Variants in CSNK1G2 observed in about 807,000 individuals in gnomAD.
CSNK1G2 encodes the protein casein kinase 1 gamma 2.
CSNK1G2 carries 11 observed loss-of-function variants against 48.0 expected under a neutral mutation model. That is an observed-to-expected ratio of 0.23 (90% CI 0.14 to 0.38). CSNK1G2 has a LOEUF of 0.38. Among genes scored for constraint, CSNK1G2 ranks in the 10% least tolerant of loss-of-function variants. The probability of loss-of-function intolerance (pLI) is 1.00; values close to 1 mark genes in which losing one functional copy is unlikely to be tolerated. For synonymous variants in CSNK1G2, 337 were observed against 254.1 expected (o/e 1.33, Z -3.10); for missense variants, 446 against 595.5 (o/e 0.75, Z 2.61).
chr19:1,950,168 C>T (rs528286938), intron 1 of CSNK1G2, among the ~76,000 whole-genome samples: 26 of 152,128 alleles, frequency 1.7e-4, no homozygotes, highest in African/African-American at 6.3e-4. Context: ...GAGACGGAGT[C>T]TCGCTCTGTC....
chr19:1,969,222 G>C (rs963219939), intron 1 of CSNK1G2, among the ~76,000 whole-genome samples: 1 of 147,906 alleles, frequency 6.8e-6, no homozygotes, highest in African/African-American at 2.6e-5. Context: ...TCTCCCACCT[G>C]TGCCACCCAC....
At position 1,979,679 on chromosome 19, in the gene CSNK1G2, A is replaced by AC. The variant is rs541986661; in HGVS notation, c.1002+38dup. The AC allele has an allele frequency of 3.7e-4, 588 of 1,600,744 alleles. 4 individuals are homozygous for AC. The East Asian group carries it at 0.01, about 28-fold the overall frequency. On this transcript the variant is annotated intron_variant, in intron 9 of 11. Transcript: ENST00000255641. ...GGGTGCCGGTATGTGGGAGCGGGGG[A>AC]CCGGGAAACTGCCCTGAGGGAGATG...
At position 1,979,311 on chromosome 19, in the gene CSNK1G2, C is replaced by T; in HGVS notation, c.769-8C>T. The T allele has an allele frequency of 3.8e-6, 6 of 1,595,944 alleles. No individual in the cohort carries two copies. The highest frequency in any genetic ancestry group is 5.1e-6 in the Non-Finnish European group (6 of 1,172,736). ...GGCGGGAGCAAGGCTGACCACAGAC[C>T]CCCGCAGGCCGACACGCTCAAGGAG... On this transcript the variant is annotated splice_polypyrimidine_tract_variant and splice_region_variant and intron_variant, in intron 7 of 11. Coordinates refer to ENST00000255641, the MANE Select transcript of CSNK1G2 (RefSeq NM_001319.7).
chr19:1,947,907 C>G (rs567037712), intron 1 of CSNK1G2, among the ~76,000 whole-genome samples: 1 of 152,216 alleles, frequency 6.6e-6, no homozygotes, highest in African/African-American at 2.4e-5. Context: ...TGGACCTCGC[C>G]CGCGGCCCTG....
At chr19:1,964,877 G>A (rs987265767) in intron 1 of CSNK1G2, among the ~76,000 whole-genome samples, 4 of 151,236 alleles carry the variant, frequency 2.6e-5, no homozygotes, top group Admixed American at 2.0e-4. Context: ...AGGAGCCCAC[G>A]ACCATGCCCA....
Position 1,979,553 on chromosome 19 carries a change from C to CT in CSNK1G2, c.913dup (p.Tyr305LeufsTer2), listed in dbSNP as rs2015900325. Reference sequence around the variant, plus strand: ...GCCTGGACTTCTTCGAGAAGCCCGACTATGACTACCTGCGGAAGCTCTTCA... The same window carrying CT: ...GCCTGGACTTCTTCGAGAAGCCCGACTTATGACTACCTGCGGAAGCTCTTCA... On this transcript the variant is annotated frameshift_variant, in exon 9 of 12. Coordinates refer to ENST00000255641, the MANE Select transcript of CSNK1G2 (RefSeq NM_001319.7). LOFTEE classifies it high-confidence loss of function. The CT allele has an allele frequency of 1.2e-6, 2 of 1,609,136 alleles. No individual in the cohort carries two copies. Among genetic ancestry groups the CT allele is most frequent in the Non-Finnish European group, 1.7e-6 (2 of 1,179,836 alleles).
intron 1 of CSNK1G2, among the ~76,000 whole-genome samples, chr19:1,951,902 G>C (rs1349729945): frequency 6.6e-6 from 1 of 152,084 alleles, no homozygotes; most frequent in Admixed American, 6.6e-5. Context: ...AGATGGTCTC[G>C]ATCTCCTGAC....
At chr19:1,955,961 A>AGCGGG (rs1225064765) in intron 1 of CSNK1G2, among the ~76,000 whole-genome samples, 80 of 152,220 alleles carry the variant, frequency 5.3e-4, no homozygotes, top group Non-Finnish European at 1.1e-3. Context: ...AACAGACGCC[A>AGCGGG]GCGGGGCAGC....
chr19:1,975,917 T>G (rs1455396629), intron 2 of CSNK1G2: 4 of 566,814 alleles, frequency 7.1e-6, no homozygotes, highest in Non-Finnish European at 8.9e-6. Flanking sequence ...TGCCTGTAAT[T>G]CCAGCTACTC....
At chr19:1,965,245 T>C (rs1208680222) in intron 1 of CSNK1G2, among the ~76,000 whole-genome samples, 1 of 149,144 alleles carries the variant, frequency 6.7e-6, no homozygotes, top group South Asian at 2.2e-4. Context: ...TAACCGGCCG[T>C]GGTGGCGGGC....
In CSNK1G2 at chr19:1,978,810, C is replaced by T. The variant is rs747904813; in HGVS notation, c.448-49C>T. The T allele has an allele frequency of 2.5e-6, 4 of 1,582,150 alleles. No individual in the cohort carries two copies. Among genetic ancestry groups the T allele is most frequent in the Non-Finnish European group, 3.4e-6 (4 of 1,167,266 alleles). On this transcript the variant is annotated intron_variant, in intron 5 of 11. Coordinates refer to ENST00000255641, the MANE Select transcript of CSNK1G2 (RefSeq NM_001319.7). The surrounding 1 kb of genome is among the most constrained non-coding windows in gnomAD (Gnocchi z 7.3). ...GGAAGAGGGTGGCCCTGGAGGGGAG[C>T]GCGTGGGACGGGGAGGGGCCCGGCC...
intron 1 of CSNK1G2, among the ~76,000 whole-genome samples, chr19:1,952,185 C>T (rs2014787476): frequency 6.6e-6 from 1 of 152,214 alleles, no homozygotes; most frequent in Non-Finnish European, 1.5e-5. Context: ...ACACCTTGGC[C>T]CCTCAGTGGG....
intron 1 of CSNK1G2, among the ~76,000 whole-genome samples, chr19:1,942,970 C>G (rs985510412): frequency 1.3e-5 from 2 of 152,128 alleles, no homozygotes; most frequent in Admixed American, 1.3e-4. Context: ...TCTCTAGGGC[C>G]GAGAGTGTTT....
intron 1 of CSNK1G2, among the ~76,000 whole-genome samples, chr19:1,958,260 A>G (rs1425224102): frequency 6.6e-6 from 1 of 151,566 alleles, no homozygotes. Context: ...TGGTTCCCAG[A>G]GGCCGCTGGG....
Position 1,978,725 on chromosome 19 carries a change from C to A in CSNK1G2, c.422C>A (p.Thr141Lys). The A allele has an allele frequency of 7.5e-7, 1 of 1,330,758 alleles. No individual in the cohort carries two copies. Among genetic ancestry groups the A allele is most frequent in the Non-Finnish European group, 1.0e-6 (1 of 993,734 alleles). 82.4% of individuals were successfully genotyped at this position (1,330,758 alleles called of 1,614,324 possible). Residue 141 changes from threonine (T) to lysine (K), a missense_variant, in exon 5 of 12, where the codon ACG (threonine) becomes AAG (lysine). Around this residue, in one of 2 missense-constraint regions of CSNK1G2, gnomAD observed 258 missense variants for 415.9 expected, o/e 0.62. Transcript: ENST00000255641. The surrounding 1 kb of genome is among the most constrained non-coding windows in gnomAD (Gnocchi z 7.3). ...TGCGACCGGACCTTCACGCTCAAGA[C>A]GGTGCTGATGATCGCCATCCAGCTG... ...DLCDRTFTLK[T>K]VLMIAIQLIT...
chr19:1,959,911 G>T (rs2015142420), intron 1 of CSNK1G2, among the ~76,000 whole-genome samples: 1 of 151,992 alleles, frequency 6.6e-6, no homozygotes, highest in Non-Finnish European at 1.5e-5. Context: ...GCCACCCTGG[G>T]TCCCCACATC....
intron 1 of CSNK1G2, among the ~76,000 whole-genome samples, chr19:1,951,007 C>T (rs1176393158): frequency 6.9e-6 from 1 of 145,922 alleles, no homozygotes. Context: ...GCTGGCCAGG[C>T]GGGTGGTCTG....
At chr19:1,977,239 C>T (rs1049587888) in intron 2 of CSNK1G2, among the ~76,000 whole-genome samples, 22 of 152,224 alleles carry the variant, frequency 1.4e-4, no homozygotes, top group Admixed American at 2.0e-4. Context: ...GTGCCAGACA[C>T]GTTCATGCCT....
rs1211616487 is a variant in CSNK1G2, at chr19:1,969,613, C to T, written c.-160C>T. The T allele has an allele frequency of 1.0e-5, 6 of 576,746 alleles. No individual in the cohort carries two copies. Among genetic ancestry groups the T allele is most frequent in the African/African-American group, 3.9e-5 (2 of 51,480 alleles). The allele number at this position is 576,746 out of a possible 1,614,324, so 35.7% of individuals were successfully genotyped here. On this transcript the variant is annotated 5_prime_UTR_variant, in exon 2 of 12. An upstream open reading frame in the 5' UTR gains an earlier in-frame stop. Coordinates refer to ENST00000255641, the MANE Select transcript of CSNK1G2 (RefSeq NM_001319.7). ...GAAGAGCAGCGCGGCCTGGCCGGCC[C>T]GAACGCCTGCGTCTCAGTAGCTGGG...
Sources: allele counts gnomAD v4.1 joint callset (sites outside exome capture counted in the v4.1 genomes callset), GRCh38; gene constraint gnomAD v4.1.1; regional missense constraint gnomAD v4.1.1; non-coding constraint Gnocchi (gnomAD v3.1); transcripts MANE v1.5; gene names NCBI Gene and HGNC (gene_info 2026-07-23, HGNC 2026-07-21).